MYO18B: variants seen among roughly 807,000 people sequenced by gnomAD.
MYO18B encodes unconventional myosin-XVIIIb.
In MYO18B, 204 loss-of-function variants were observed where a neutral mutation model predicts 273.0. The ratio of observed to expected loss-of-function variants is 0.75; its 90% confidence interval spans 0.67 to 0.84. The LOEUF (loss-of-function observed/expected upper bound fraction) is 0.84, where lower values mean the gene tolerates loss of function less well. Among genes scored for constraint, MYO18B ranks in the 40% least tolerant of loss-of-function variants. The probability of loss-of-function intolerance (pLI) is 0.00; values close to 1 mark genes in which losing one functional copy is unlikely to be tolerated. For missense variants in MYO18B, 3,212 were observed against 3,287.6 expected, an observed-to-expected ratio of 0.98 and a Z score of 0.56; for synonymous variants, 1,330 against 1,305.7, an observed-to-expected ratio of 1.02 and a Z score of -0.40.
chr22:25,760,464 C>G (rs133872), intron 1 of MYO18B, among the ~76,000 whole-genome samples: 84,332 of 144,774 alleles, frequency 0.58, 27,357 homozygotes, highest in African/African-American at 0.86. Flanking sequence ...GGTTTCCCTT[C>G]AGGAAATATT....
rs1432317327 is a variant in MYO18B at position 25,802,762 on chromosome 22, A to AC, written c.2521+4665_2521+4666insC. ...AGCAAGACTCTGTCTCAAAAAAAAA[A>AC]AAAAAAAAAAAAAACCCCTATAGCC... is the stretch of plus-strand genomic sequence containing the variant. On this transcript the variant is annotated intron_variant, in intron 12 of 43. Coordinates refer to ENST00000335473, the MANE Select transcript of MYO18B (RefSeq NM_032608.7). Among the ~76,000 whole-genome samples, 35 of 81,638 alleles carry AC rather than the reference A, an allele frequency of 4.3e-4. 3 individuals carry two copies. The highest frequency in any genetic ancestry group is 6.0e-4 in the African/African-American group (17 of 28,510). 53.6% of individuals were successfully genotyped at this position (81,638 alleles called of 152,430 possible).
intron 1 of MYO18B, among the ~76,000 whole-genome samples, chr22:25,758,118 A>T (rs763997456): frequency 6.6e-6 from 1 of 152,126 alleles, no homozygotes. Context: ...GATTCAAGCA[A>T]TTCTCCCACA....
In MYO18B at chr22:25,891,063, A is replaced by T. The variant is rs572682925; in HGVS notation, c.4434+188A>T. ...TTGGCCTTGGGGGTGTTATGGGTGGATAGTCCCTGGCTAGAGAGGCGAATA... is the reference window on the plus strand; with the variant it reads ...TTGGCCTTGGGGGTGTTATGGGTGGTTAGTCCCTGGCTAGAGAGGCGAATA... On this transcript the variant is annotated intron_variant, in intron 26 of 43. Transcript: ENST00000335473. 2.5e-3 allele frequency among the ~76,000 whole-genome samples: 375 copies of T among 152,214 alleles called. 1 individual carries two copies. Among genetic ancestry groups the T allele is most frequent in the African/African-American group, 8.7e-3 (362 of 41,534 alleles).
chr22:25,831,889 T>C (rs936138759), intron 15 of MYO18B, among the ~76,000 whole-genome samples: 1 of 152,168 alleles, frequency 6.6e-6, no homozygotes, highest in Non-Finnish European at 1.5e-5. Flanking sequence ...ATTTACAATC[T>C]TTCTTCCTAC....
intron 17 of MYO18B, among the ~76,000 whole-genome samples, chr22:25,842,187 CAG>C (rs931571301): frequency 3.9e-5 from 6 of 152,186 alleles, no homozygotes; most frequent in South Asian, 4.1e-4. Flanking sequence ...CTGTATTTTG[CAG>C]AGAGTTCCAA....
Position 25,769,381 on chromosome 22 carries a change from G to A in MYO18B, c.1465G>A (p.Ala489Thr). The A allele has an allele frequency of 6.4e-7, 1 of 1,572,190 alleles. No individual in the cohort carries two copies. The highest frequency in any genetic ancestry group is 1.2e-5 in the South Asian group (1 of 85,076). ...RIRKENQDGP[A>T]PQEEGKGGQS... is the part of the protein sequence containing the mutation. Reference sequence around the variant, plus strand: ...ACGGAAGGAGAACCAAGACGGGCCAGCCCCGCAGGAGGAGGGCAAAGGAGG... The same window carrying A: ...ACGGAAGGAGAACCAAGACGGGCCAACCCCGCAGGAGGAGGGCAAAGGAGG... The change falls in exon 4 of 44, where the codon GCC (alanine) becomes ACC (threonine). Residue 489 changes from alanine (A) to threonine (T), a missense_variant. Physicochemically the swap from Ala to Thr is moderately conservative, Grantham distance 58. Coordinates refer to ENST00000335473, the MANE Select transcript of MYO18B (RefSeq NM_032608.7).
intron 3 of MYO18B, among the ~76,000 whole-genome samples, chr22:25,767,379 G>A (rs906151948): frequency 5.3e-5 from 8 of 152,222 alleles, no homozygotes; most frequent in African/African-American, 1.9e-4. Flanking sequence ...GGTATGGGAA[G>A]TGTGATATGG....
chr22:25,992,538 G>T, intron 40 of MYO18B, 45 bp downstream of exon 40: 1 of 1,610,732 alleles, frequency 6.2e-7, no homozygotes. Context: ...GCAGGTGGGC[G>T]GCATCCTGGG....
intron 39 of MYO18B, chr22:25,964,029 G>C (rs917269055): frequency 6.6e-6 from 1 of 152,172 alleles, no homozygotes; most frequent in African/African-American, 2.4e-5. Context: ...TGGGTACTGG[G>C]TTAAGTACTT....
At position 25,952,263 on chromosome 22, in the gene MYO18B, A is replaced by G. The variant is rs140969130; in HGVS notation, c.5833-23A>G. 1,962 of 1,604,458 alleles carry G rather than the reference A, an allele frequency of 1.2e-3. 14 individuals are homozygous for G. In the African/African-American group the frequency reaches 0.023, roughly 19 times the overall value. ...TGGTATCAGGGACAACAGATGTCCA[A>G]TAGACTTCTCTCATACTTACAGCTG... On this transcript the variant is annotated intron_variant, in intron 37 of 43. Transcript: ENST00000335473.
At chr22:25,921,203 G>C in intron 33 of MYO18B, 54 bp from the exon 34 acceptor site, 1 of 1,511,434 alleles carries the variant, frequency 6.6e-7, no homozygotes, top group South Asian at 1.3e-5. Context: ...GGAAAACTTA[G>C]ACCCTGGCCA....
intron 22 of MYO18B, among the ~76,000 whole-genome samples, chr22:25,872,297 G>T (rs1166592750): frequency 1.3e-5 from 2 of 152,178 alleles, no homozygotes; most frequent in African/African-American, 4.8e-5. Context: ...GTTCCACCTG[G>T]AATCAAATTG....
At chr22:25,777,535 C>T (rs1322698539) in intron 7 of MYO18B, 48 bp from the exon 8 acceptor site, 1 of 1,531,114 alleles carries the variant, frequency 6.5e-7, no homozygotes, top group Non-Finnish European at 8.8e-7. Context: ...AGAATGCTCC[C>T]TAGGCAGTGG....
chr22:25,786,183 G>C (rs1165691020), intron 11 of MYO18B, among the ~76,000 whole-genome samples: 2 of 152,186 alleles, frequency 1.3e-5, no homozygotes, highest in Non-Finnish European at 2.9e-5. Flanking sequence ...CTGAGTGCTA[G>C]GAGTATGATC....
In MYO18B at chr22:25,835,414, C is replaced by T. The variant is rs1342620666; in HGVS notation, c.3179C>T (p.Ala1060Val). ...GTGGTGCTCGAGCGTCTGTGTGCTG[C>T]TTTCGAGAAGAAAGGAGCTGGGACT... ...DSVVLERLCAAFEKKGAGTEG... is the reference protein window; with the variant it reads ...DSVVLERLCAVFEKKGAGTEG... Residue 1060 changes from alanine (A) to valine (V), a missense_variant, in exon 17 of 44, where the codon GCT (alanine) becomes GTT (valine). Physicochemically the swap from Ala to Val is moderately conservative, Grantham distance 64 (BLOSUM62 0). Coordinates refer to ENST00000335473, the MANE Select transcript of MYO18B (RefSeq NM_032608.7). 2.5e-6 allele frequency: 4 copies of T among 1,613,808 alleles called. No individual in the cohort carries two copies. The South Asian group carries it at 3.3e-5, about 13-fold the overall frequency.
At chr22:25,998,218 C>T (rs1933547860) in intron 40 of MYO18B, among the ~76,000 whole-genome samples, 1 of 152,190 alleles carries the variant, frequency 6.6e-6, no homozygotes. Flanking sequence ...GCATCAACCT[C>T]CTTAGATTAA....
At chr22:25,826,076 A>G (rs570060168) in intron 13 of MYO18B, among the ~76,000 whole-genome samples, 82 of 152,314 alleles carry the variant, frequency 5.4e-4, no homozygotes, top group African/African-American at 1.9e-3. Context: ...GGGAAGTGCT[A>G]TTAGAAGCAA....
chr22:25,853,554 A>G (rs1244502609), intron 21 of MYO18B, among the ~76,000 whole-genome samples: 2 of 152,102 alleles, frequency 1.3e-5, no homozygotes, highest in Non-Finnish European at 2.9e-5. Context: ...GGGGTTCCTT[A>G]TTCTTGGTCT....
intron 10 of MYO18B, among the ~76,000 whole-genome samples, chr22:25,782,608 A>G (rs1821518224): frequency 1.3e-5 from 2 of 152,164 alleles, no homozygotes; most frequent in African/African-American, 4.8e-5. Flanking sequence ...GTCCTAGTGA[A>G]GTGTCGGGGA....
Sources: allele counts gnomAD v4.1 joint callset (sites outside exome capture counted in the v4.1 genomes callset), GRCh38; gene constraint gnomAD v4.1.1; transcripts MANE v1.5; gene names NCBI Gene and HGNC (gene_info 2026-07-23, HGNC 2026-07-21).